The following MAGI3 variants were observed in gnomAD, a reference collection of about 807,000 sequenced individuals.
MAGI3 encodes membrane-associated guanylate kinase, WW and PDZ domain-containing protein 3.
In MAGI3, 43 loss-of-function variants were observed where a neutral mutation model predicts 121.8. The observed-to-expected ratio is 0.35, with a 90% confidence interval of 0.28 to 0.46. The LOEUF (loss-of-function observed/expected upper bound fraction) is 0.46. Among genes scored for constraint, MAGI3 ranks in the 20% least tolerant of loss-of-function variants. MAGI3 has a pLI of 1.00. For missense variants in MAGI3, 1,547 were observed against 1,797.3 expected (o/e 0.86, Z 2.52); for synonymous variants, 553 against 639.3 (o/e 0.86, Z 2.04).
intron 1 of MAGI3, among the ~76,000 whole-genome samples, chr1:113,524,016 G>A (rs1033167173): frequency 6.6e-6 from 1 of 152,180 alleles, no homozygotes; most frequent in African/African-American, 2.4e-5. Flanking sequence ...GTGACTAAAA[G>A]GGGCCAAGGT....
chr1:113,539,631 G>A (rs1280434593), intron 1 of MAGI3, among the ~76,000 whole-genome samples: 2 of 151,884 alleles, frequency 1.3e-5, no homozygotes, highest in African/African-American at 4.8e-5. Context: ...CCATGCCGGT[G>A]CGCTGCACCC....
intron 1 of MAGI3, among the ~76,000 whole-genome samples, chr1:113,484,480 A>G (rs981055090): frequency 3.9e-5 from 6 of 152,066 alleles, no homozygotes; most frequent in African/African-American, 1.2e-4. Flanking sequence ...GCTCCCACAT[A>G]TGAGTGAGAA....
At chr1:113,679,730 G>A (rs1251204428) in intron 19 of MAGI3, among the ~76,000 whole-genome samples, 4 of 144,206 alleles carry the variant, frequency 2.8e-5, no homozygotes. Context: ...TTTTTGAGAC[G>A]GAGTTTCGCT....
At position 113,658,861 on chromosome 1, in the gene MAGI3, A is replaced by G. The variant is rs1220497550; in HGVS notation, c.2630-219A>G. Among the ~76,000 whole-genome samples the G allele has an allele frequency of 1.3e-5, 2 of 152,252 alleles. No individual in the cohort carries two copies. Among genetic ancestry groups the G allele is most frequent in the African/African-American group, 2.4e-5 (1 of 41,466 alleles). On this transcript the variant is annotated intron_variant, in intron 15 of 20. Coordinates refer to ENST00000307546, the MANE Select transcript of MAGI3 (RefSeq NM_001142782.2). The surrounding 1 kb of genome is among the most constrained non-coding windows in gnomAD (Gnocchi z 4.0). ...AAAATAGCAAAGAGGTTTATATGCT[A>G]TGATTACAACTGTGTAAAGAGTATT...
At chr1:113,510,572 T>C (rs1657567802) in intron 1 of MAGI3, among the ~76,000 whole-genome samples, 1 of 152,242 alleles carries the variant, frequency 6.6e-6, no homozygotes, top group Admixed American at 6.5e-5. Context: ...AGTTTTTCTC[T>C]ACTTAGACTG....
At position 113,642,112 on chromosome 1, in the gene MAGI3, A is replaced by G. The variant is rs760992269; in HGVS notation, c.1562A>G (p.Lys521Arg). Reference sequence around the variant, plus strand: ...GTCATCAATGGACAGTCATTAACCAAGGGAGAGACTTGCATGAATCCTCAG... The same window carrying G: ...GTCATCAATGGACAGTCATTAACCAGGGGAGAGACTTGCATGAATCCTCAG... The part of the protein sequence containing the change: ...TPVINGQSLT[K>R]GETCMNPQDF... The change falls in exon 10 of 21, where the codon AAG (lysine) becomes AGG (arginine). Residue 521 changes from lysine to arginine, a missense_variant. Transcript: ENST00000307546. 5.6e-6 allele frequency: 9 copies of G among 1,614,056 alleles called. No homozygotes were observed. The Admixed American group carries it at 1.5e-4, about 27-fold the overall frequency.
intron 1 of MAGI3, among the ~76,000 whole-genome samples, chr1:113,549,139 T>TATCA (rs887360349): frequency 1.6e-4 from 24 of 152,368 alleles, no homozygotes; most frequent in African/African-American, 5.8e-4. Flanking sequence ...ATCAGTTTGA[T>TATCA]GAGTTTAGAG....
intron 1 of MAGI3, among the ~76,000 whole-genome samples, chr1:113,514,117 A>G (rs1190419956): frequency 6.6e-6 from 1 of 152,202 alleles, no homozygotes; most frequent in African/African-American, 2.4e-5. Context: ...TTAAAAAGTC[A>G]GGAAACAACA....
intron 1 of MAGI3, among the ~76,000 whole-genome samples, chr1:113,421,203 A>G (rs986055207): frequency 6.6e-6 from 1 of 152,088 alleles, no homozygotes. Flanking sequence ...AAAAATTTCC[A>G]TGGTTTCTGT....
chr1:113,672,293 G>A (rs1647605607), intron 17 of MAGI3, among the ~76,000 whole-genome samples: 1 of 152,178 alleles, frequency 6.6e-6, no homozygotes, highest in Admixed American at 6.5e-5. Flanking sequence ...GGTGCTGCAG[G>A]AGAGCCATTT....
intron 14 of MAGI3, 129 bp downstream of exon 14, chr1:113,651,335 AG>A: frequency 1.3e-6 from 1 of 789,940 alleles, no homozygotes. Flanking sequence ...GGTGTGATCC[AG>A]GGCCTCACTG....
chr1:113,438,494 A>G (rs778763801), intron 1 of MAGI3, among the ~76,000 whole-genome samples: 11 of 152,164 alleles, frequency 7.2e-5, no homozygotes, highest in Non-Finnish European at 8.8e-5. Flanking sequence ...ATAAACGAAT[A>G]CCTGAGGCTG....
In MAGI3 at chr1:113,425,331, A is replaced by G. The variant is rs367558340; in HGVS notation, c.316+33982A>G. ...GGAGCCTTGCTCTGTCGCCCAGGCT[A>G]GAGTGCAGTGGCGCGATCTCAGCTC... On this transcript the variant is annotated intron_variant, in intron 1 of 20. Coordinates refer to ENST00000307546, the MANE Select transcript of MAGI3 (RefSeq NM_001142782.2). Among the ~76,000 whole-genome samples, 4 of 118,958 alleles carry G rather than the reference A, an allele frequency of 3.4e-5. No individual in the cohort carries two copies. The East Asian group carries it at 7.4e-4, about 22-fold the overall frequency. The allele number at this position is 118,958 out of a possible 152,430, so 78.0% of individuals were successfully genotyped here.
At chr1:113,602,943 A>G (rs1052706888) in intron 6 of MAGI3, among the ~76,000 whole-genome samples, 1 of 151,714 alleles carries the variant, frequency 6.6e-6, no homozygotes, top group Non-Finnish European at 1.5e-5. Flanking sequence ...AAAAAAAATC[A>G]AAGTGTGTGT....
intron 1 of MAGI3, among the ~76,000 whole-genome samples, chr1:113,507,942 G>A (rs1225307536): frequency 1.3e-5 from 2 of 152,068 alleles, no homozygotes; most frequent in Non-Finnish European, 2.9e-5. Context: ...CCTTTTGGGG[G>A]TCATGTGCCT....
chr1:113,423,385 C>T (rs1652834373), intron 1 of MAGI3, among the ~76,000 whole-genome samples: 1 of 152,020 alleles, frequency 6.6e-6, no homozygotes, highest in African/African-American at 2.4e-5. Context: ...CATTCTCCTG[C>T]CTCAGCCTCT....
intron 1 of MAGI3, among the ~76,000 whole-genome samples, chr1:113,515,460 A>G (rs1044797917): frequency 2.6e-5 from 4 of 152,152 alleles, no homozygotes; most frequent in Non-Finnish European, 4.4e-5. Flanking sequence ...TTTTATTTAT[A>G]TATGACCTCC....
At chr1:113,566,481 T>C (rs1272440103) in intron 2 of MAGI3, among the ~76,000 whole-genome samples, 1 of 152,144 alleles carries the variant, frequency 6.6e-6, no homozygotes, top group Non-Finnish European at 1.5e-5. Flanking sequence ...ACAGAACATT[T>C]CATCCAATAA....
intron 2 of MAGI3, among the ~76,000 whole-genome samples, chr1:113,563,599 C>T (rs1000211108): frequency 5.3e-5 from 8 of 152,182 alleles, no homozygotes; most frequent in Admixed American, 3.3e-4. Context: ...TAGGTGATTT[C>T]ATGAGTACCA....
Sources: allele counts gnomAD v4.1 joint callset (sites outside exome capture counted in the v4.1 genomes callset), GRCh38; gene constraint gnomAD v4.1.1; non-coding constraint Gnocchi (gnomAD v3.1); transcripts MANE v1.5; gene names NCBI Gene and HGNC (gene_info 2026-07-23, HGNC 2026-07-21).